Variants in PLEKHM3 observed in about 807,000 individuals in gnomAD.
PLEKHM3 encodes the protein pleckstrin homology domain containing M3.
In PLEKHM3, 45 loss-of-function variants were observed where a neutral mutation model predicts 81.8. The ratio of observed to expected loss-of-function variants is 0.55; its 90% confidence interval spans 0.43 to 0.71. PLEKHM3 has a LOEUF of 0.71. Ranked by LOEUF, PLEKHM3 falls within the 30% of genes least tolerant of loss-of-function variation. The pLI is 0.00. For synonymous variants in PLEKHM3, 352 were observed against 356.4 expected (o/e 0.99, Z 0.14); for missense variants, 788 against 924.3 (o/e 0.85, Z 1.91).
chr2:207,840,053 C>T (rs1409304343), intron 7 of PLEKHM3, among the ~76,000 whole-genome samples: 5 of 152,238 alleles, frequency 3.3e-5, no homozygotes, highest in African/African-American at 1.2e-4. Context: ...TTCTGATGAA[C>T]ACAGAAGTTT....
chr2:207,849,371 A>G (rs2092400637), intron 7 of PLEKHM3, among the ~76,000 whole-genome samples: 1 of 152,146 alleles, frequency 6.6e-6, no homozygotes, highest in South Asian at 2.1e-4. Flanking sequence ...GTAGCAGAGT[A>G]TGCTAACTCA....
chr2:207,823,732 C>G lies in PLEKHM3; in HGVS notation c.*4587G>C, dbSNP rs2092233077. 6 of 152,308 alleles carry G rather than the reference C, an allele frequency of 3.9e-5. No individual in the cohort carries two copies. Among genetic ancestry groups the G allele is most frequent in the Admixed American group, 3.9e-4 (6 of 15,286 alleles). 9.4% of individuals were successfully genotyped at this position (152,308 alleles called of 1,614,324 possible). On this transcript the variant is annotated 3_prime_UTR_variant, in exon 8 of 8. Transcript: ENST00000427836. ...GGGATTACAGGCGTGAGCCACCAAT[C>G]CTGGCCAAGTGGAACCCACTTTAAA...
In PLEKHM3 at chr2:207,843,774, C is replaced by A. The variant is rs2022148; in HGVS notation, c.2109-15278G>T. 0.28 allele frequency among the ~76,000 whole-genome samples: 42,686 copies of A among 151,944 alleles called. 6,131 individuals are homozygous for A. Among genetic ancestry groups the A allele is most frequent in the African/African-American group, 0.3 (12,476 of 41,438 alleles). ...CATTTAAATTTCCTTTCCACCATCACAGATTCGCTTTCTGGAAAAAAACGT... is the reference window on the plus strand; with the variant it reads ...CATTTAAATTTCCTTTCCACCATCAAAGATTCGCTTTCTGGAAAAAAACGT... On this transcript the variant is annotated intron_variant, in intron 7 of 7. Transcript: ENST00000427836. The surrounding 1 kb of genome is among the most constrained non-coding windows in gnomAD (Gnocchi z 4.4).
rs1430417267 is a variant in PLEKHM3, at chr2:207,930,578, G to C, written c.1886+348C>G. 2.0e-5 allele frequency among the ~76,000 whole-genome samples: 3 copies of C among 152,206 alleles called. No individual in the cohort carries two copies. The East Asian group carries it at 5.8e-4, about 29-fold the overall frequency. ...GAAACAGGAATTGAAATTGGGAAAA[G>C]TATAAAATACTACATAAGTGACCAA... On this transcript the variant is annotated intron_variant, in intron 5 of 7. Coordinates refer to ENST00000427836, the MANE Select transcript of PLEKHM3 (RefSeq NM_001080475.3).
intron 2 of PLEKHM3, among the ~76,000 whole-genome samples, chr2:207,999,181 C>T (rs912845392): frequency 3.9e-5 from 6 of 151,956 alleles, no homozygotes; most frequent in Non-Finnish European, 7.4e-5. Context: ...CAGGGTTTTG[C>T]CATGTTGTCC....
chr2:208,023,518 G>A (rs1468110036), intron 1 of PLEKHM3, among the ~76,000 whole-genome samples: 3 of 151,870 alleles, frequency 2.0e-5, no homozygotes, highest in African/African-American at 7.3e-5. Context: ...GACCAGCCAC[G>A]CATTGCTGTT....
At chr2:207,892,587 A>G (rs970266604) in intron 6 of PLEKHM3, among the ~76,000 whole-genome samples, 7 of 152,142 alleles carry the variant, frequency 4.6e-5, no homozygotes, top group Non-Finnish European at 8.8e-5. Context: ...CCCTTGACAG[A>G]TTCAGAAGCT....
intron 6 of PLEKHM3, among the ~76,000 whole-genome samples, chr2:207,877,830 T>C (rs1242814888): frequency 6.6e-6 from 1 of 152,212 alleles, no homozygotes; most frequent in Non-Finnish European, 1.5e-5. Context: ...AAAGATCTTA[T>C]TAAAATATAG....
intron 7 of PLEKHM3, among the ~76,000 whole-genome samples, chr2:207,849,701 A>C (rs1263233973): frequency 6.6e-6 from 1 of 152,138 alleles, no homozygotes; most frequent in Non-Finnish European, 1.5e-5. Flanking sequence ...AATTGCTTCA[A>C]CCTTATATAG....
intron 4 of PLEKHM3, among the ~76,000 whole-genome samples, chr2:207,943,725 G>T (rs1395219624): frequency 7.9e-5 from 12 of 151,524 alleles, no homozygotes; most frequent in African/African-American, 2.7e-4. Flanking sequence ...AAAATTAGCC[G>T]GGCGTAGTGG....
intron 1 of PLEKHM3, among the ~76,000 whole-genome samples, chr2:208,004,192 C>T (rs2106098145): frequency 6.6e-6 from 1 of 152,098 alleles, no homozygotes; most frequent in South Asian, 2.1e-4. Flanking sequence ...GCAGGCAGAT[C>T]ACTTGATCCA....
chr2:207,841,448 C>CAAAAAAAA (rs1206603074), intron 7 of PLEKHM3, among the ~76,000 whole-genome samples: 2 of 21,490 alleles, frequency 9.3e-5, no homozygotes, highest in Non-Finnish European at 1.5e-4. Flanking sequence ...GACTCCATCT[C>CAAAAAAAA]AAAAAAAAAA....
chr2:207,959,064 A>G (rs1690636953), intron 3 of PLEKHM3, among the ~76,000 whole-genome samples: 1 of 152,312 alleles, frequency 6.6e-6, no homozygotes, highest in Admixed American at 6.5e-5. Flanking sequence ...TTTGTTCATC[A>G]TGGACTTTTT....
At chr2:207,967,841 G>A (rs185899148) in intron 3 of PLEKHM3, among the ~76,000 whole-genome samples, 19 of 152,216 alleles carry the variant, frequency 1.2e-4, no homozygotes, top group African/African-American at 4.3e-4. Flanking sequence ...TGGAGGTACG[G>A]AGAGGTTAAG....
chr2:207,844,696 T>C (rs1463445112), intron 7 of PLEKHM3, among the ~76,000 whole-genome samples: 1 of 152,190 alleles, frequency 6.6e-6, no homozygotes. Flanking sequence ...GTGGTGGTGA[T>C]GATCCCAACT....
chr2:207,859,258 C>T (rs926237038), intron 7 of PLEKHM3, among the ~76,000 whole-genome samples: 1 of 151,110 alleles, frequency 6.6e-6, no homozygotes, highest in Non-Finnish European at 1.5e-5. Context: ...CCTGTCTCAG[C>T]CTCCCGAGCA....
At position 208,001,434 on chromosome 2, in the gene PLEKHM3, C is replaced by T. The variant is rs1692300054; in HGVS notation, c.206G>A (p.Gly69Glu). The T allele has an allele frequency of 6.2e-7, 1 of 1,614,050 alleles. No individual in the cohort carries two copies. The highest frequency in any genetic ancestry group is 8.5e-7 in the Non-Finnish European group (1 of 1,180,026). ...CTTACAGTGGTCCCAAATCATGCCC[C>T]CCTTGCCCAGGGAGGTGACATTTCT... ...AMRNVTSLGK[G>E]GMIWDHCKSR... The change falls in exon 2 of 8, where the codon GGG (glycine) becomes GAG (glutamate). Residue 69 changes from glycine (G) to glutamate (E), a missense_variant. By Grantham distance (98) the Gly-to-Glu change is moderately conservative. Transcript: ENST00000427836.
chr2:207,959,783 G>A (rs759700333), intron 3 of PLEKHM3, among the ~76,000 whole-genome samples: 5 of 152,174 alleles, frequency 3.3e-5, no homozygotes, highest in East Asian at 1.9e-4. Context: ...GAGTGGATCC[G>A]AGTAGTGCTA....
chr2:208,006,976 A>C (rs2106104324), intron 1 of PLEKHM3, among the ~76,000 whole-genome samples: 1 of 152,336 alleles, frequency 6.6e-6, no homozygotes, highest in East Asian at 1.9e-4. Context: ...TGAATACAGT[A>C]GTTCTCCCAC....
Sources: gnomAD v4.1 joint callset for allele counts (sites outside exome capture counted in the v4.1 genomes callset) on GRCh38, gnomAD v4.1.1 for gene constraint, Gnocchi (gnomAD v3.1) non-coding constraint, MANE v1.5 for transcripts, NCBI Gene and HGNC (gene_info 2026-07-23, HGNC 2026-07-21) for gene names.